The following ETS1 variants were observed in gnomAD, a reference collection of about 807,000 sequenced individuals.
ETS1 encodes ETS proto-oncogene 1, transcription factor.
Under a neutral mutation model 58.6 loss-of-function variants are expected in ETS1, and 15 were observed. The ratio of observed to expected loss-of-function variants is 0.26; its 90% confidence interval spans 0.17 to 0.39. The LOEUF (loss-of-function observed/expected upper bound fraction) is 0.39, where lower values mean the gene tolerates loss of function less well. Among genes scored for constraint, ETS1 ranks in the 10% least tolerant of loss-of-function variants. The pLI is 1.00. For synonymous variants in ETS1, 214 were observed against 218.2 expected, an observed-to-expected ratio of 0.98 and a Z score of 0.17; for missense variants, 417 against 610.5, an observed-to-expected ratio of 0.68 and a Z score of 3.34.
At chr11:128,517,258 C>T (rs537676732) in intron 3 of ETS1, among the ~76,000 whole-genome samples, 28 of 152,314 alleles carry the variant, frequency 1.8e-4, no homozygotes, top group Middle Eastern at 3.4e-3. Flanking sequence ...CCCAAAGCAC[C>T]GACCAGCATT....
rs1401361604 is a variant in ETS1, at chr11:128,464,273, ATT to A, written c.1124-648_1124-647del. ...AAAAAGCATCATTACTATTTGAGGA[ATT>A]AACGTGCCACCCAGAAAATCCTCAG... On this transcript the variant is annotated intron_variant, in intron 8 of 9. Coordinates refer to ENST00000392668, the MANE Select transcript of ETS1 (RefSeq NM_001143820.2). This position sits in a 1 kb window ranked among gnomAD's most constrained non-coding sequence, Gnocchi z 4.1. Among the ~76,000 whole-genome samples the A allele has an allele frequency of 6.6e-6, 1 of 151,766 alleles. No individual in the cohort carries two copies.
At position 128,538,755 on chromosome 11, in the gene ETS1, T is replaced by TACACAC. The variant is rs141065992; in HGVS notation, c.214+17530_214+17535dup. On this transcript the variant is annotated intron_variant, in intron 3 of 9. Coordinates refer to ENST00000392668, the MANE Select transcript of ETS1 (RefSeq NM_001143820.2). ...ACACACACACACACACATACACACA[T>TACACAC]ACACACACACACACACACACACACA... is the stretch of plus-strand genomic sequence containing the variant. Among the ~76,000 whole-genome samples, 54 of 144,968 alleles carry TACACAC rather than the reference T, an allele frequency of 3.7e-4. 1 individual carries two copies. Among genetic ancestry groups the TACACAC allele is most frequent in the East Asian group, 1.8e-3 (9 of 5,088 alleles).
At chr11:128,490,885 GT>G (rs572835763) in intron 3 of ETS1, among the ~76,000 whole-genome samples, 6 of 151,544 alleles carry the variant, frequency 4.0e-5, no homozygotes, top group African/African-American at 1.2e-4. Context: ...TGCCCAGCTA[GT>G]TTTTTTTATT....
chr11:128,534,193 GCTTAA>G (rs1356262889), intron 3 of ETS1, among the ~76,000 whole-genome samples: 1 of 152,146 alleles, frequency 6.6e-6, no homozygotes, highest in African/African-American at 2.4e-5. Context: ...TAGTTCTAGA[GCTTAA>G]CTTTTCAAAC....
Position 128,463,664 on chromosome 11 carries a change from T to C in ETS1, c.1124-37A>G, listed in dbSNP as rs762207877. ...AGCCATTGTGAATCATTACACCAGA[T>C]ATTCAGCACTCTACGCAGCTAATCC... On this transcript the variant is annotated intron_variant, in intron 8 of 9. Transcript: ENST00000392668. The surrounding 1 kb of genome is among the most constrained non-coding windows in gnomAD (Gnocchi z 4.1). 4.2e-5 allele frequency: 47 copies of C among 1,129,922 alleles called. No homozygotes were observed. The highest frequency in any genetic ancestry group is 5.8e-5 in the Non-Finnish European group (43 of 739,216). The allele number at this position is 1,129,922 out of a possible 1,614,324, so 70.0% of individuals were successfully genotyped here.
chr11:128,538,422 G>A (rs1335387543), intron 3 of ETS1, among the ~76,000 whole-genome samples: 1 of 152,112 alleles, frequency 6.6e-6, no homozygotes, highest in African/African-American at 2.4e-5. Flanking sequence ...GCTGCTTTAT[G>A]TTGCTTTTCC....
At chr11:128,573,483 C>T (rs929649615) in intron 1 of ETS1, among the ~76,000 whole-genome samples, 2 of 152,104 alleles carry the variant, frequency 1.3e-5, no homozygotes, top group African/African-American at 2.4e-5. Context: ...GTGTCTCCCC[C>T]ACCCACAACC....
intron 3 of ETS1, among the ~76,000 whole-genome samples, chr11:128,495,016 T>C (rs145789407): frequency 6.6e-6 from 1 of 152,308 alleles, no homozygotes; most frequent in African/African-American, 2.4e-5. Flanking sequence ...ATATGCCTTA[T>C]ACCTGAGAAA....
intron 3 of ETS1, among the ~76,000 whole-genome samples, chr11:128,543,181 G>A (rs1386909131): frequency 2.9e-5 from 4 of 140,296 alleles, no homozygotes; most frequent in Non-Finnish European, 4.6e-5. Flanking sequence ...CAACAAGAGC[G>A]AAACTCTGTC....
chr11:128,564,810 G>A (rs528411493), intron 2 of ETS1, among the ~76,000 whole-genome samples: 1 of 152,222 alleles, frequency 6.6e-6, no homozygotes, highest in African/African-American at 2.4e-5. Context: ...TGGAGACTGA[G>A]GCTGACTCAA....
chr11:128,471,073 A>C (rs1388822402), intron 8 of ETS1, among the ~76,000 whole-genome samples: 1 of 152,154 alleles, frequency 6.6e-6, no homozygotes, highest in African/African-American at 2.4e-5. Flanking sequence ...AGTATTCTTC[A>C]CCTAAGTATT....
Position 128,480,405 on chromosome 11 carries a change from A to G in ETS1, c.909T>C (p.Asp303=). Residue 303 remains aspartate, a synonymous_variant, in exon 8 of 10, where the codon GAT becomes GAC. Coordinates refer to ENST00000392668, the MANE Select transcript of ETS1 (RefSeq NM_001143820.2). ...AGGACTGGGTGAGGCGATCACAACT[A>G]TCGTAGCTCTCTATGCTTTCAAAAG... ...QDSFESIESY[D]SCDRLTQSWS... 1 of 1,613,894 alleles carries G rather than the reference A, an allele frequency of 6.2e-7. No homozygotes were observed. The highest frequency in any genetic ancestry group is 8.5e-7 in the Non-Finnish European group (1 of 1,179,958).
intron 3 of ETS1, among the ~76,000 whole-genome samples, chr11:128,554,281 C>G (rs558540677): frequency 6.6e-6 from 1 of 152,174 alleles, no homozygotes; most frequent in Non-Finnish European, 1.5e-5. Context: ...GGCCACACCC[C>G]GATGGAAGCT....
At chr11:128,515,819 T>TA (rs1019199101) in intron 3 of ETS1, among the ~76,000 whole-genome samples, 2 of 152,148 alleles carry the variant, frequency 1.3e-5, no homozygotes, top group Admixed American at 6.5e-5. Context: ...CCACAACTCT[T>TA]AGAGACAGTA....
chr11:128,471,792 T>A (rs1357450127), intron 8 of ETS1, among the ~76,000 whole-genome samples: 3 of 152,252 alleles, frequency 2.0e-5, no homozygotes, highest in African/African-American at 7.2e-5. Flanking sequence ...ATATGTTCAC[T>A]GATCAGGGTT....
chr11:128,473,822 G>C (rs1469383674), intron 8 of ETS1, among the ~76,000 whole-genome samples: 2 of 151,916 alleles, frequency 1.3e-5, no homozygotes, highest in South Asian at 2.1e-4. Flanking sequence ...AAGTGCCAAG[G>C]GGGCAAAGGC....
rs374747619 is a variant in ETS1, at chr11:128,489,350, C to T, written c.475G>A (p.Glu159Lys). ...LCALGKDCFLELAPDFVGDIL... is the reference protein window; with the variant it reads ...LCALGKDCFLKLAPDFVGDIL... ...TCCCCAACAAAGTCTGGGGCCAGCTCGAGAAAGCAGTCTTTACCCAGGGCG... is the reference window on the plus strand; with the variant it reads ...TCCCCAACAAAGTCTGGGGCCAGCTTGAGAAAGCAGTCTTTACCCAGGGCG... The change falls in exon 5 of 10, where the codon GAG (glutamate) becomes AAG (lysine). Residue 159 changes from glutamate (E) to lysine (K), a missense_variant. By Grantham distance (56) the Glu-to-Lys change is moderately conservative. Transcript: ENST00000392668. 8.1e-6 allele frequency: 13 copies of T among 1,614,042 alleles called. No homozygotes were observed. The highest frequency in any genetic ancestry group is 2.2e-5 in the South Asian group (2 of 91,084).
At chr11:128,506,663 G>T (rs1863244286) in intron 3 of ETS1, among the ~76,000 whole-genome samples, 1 of 152,112 alleles carries the variant, frequency 6.6e-6, no homozygotes, top group Non-Finnish European at 1.5e-5. Flanking sequence ...GAAGACGAGA[G>T]GATGAGATCT....
At chr11:128,522,381 C>G (rs929370098) in intron 3 of ETS1, 2 of 986,622 alleles carry the variant, frequency 2.0e-6, no homozygotes, top group Admixed American at 6.1e-5. Context: ...CGCGGCGCCG[C>G]GTCTCGGCCG....
Sources: gnomAD v4.1 joint callset for allele counts (sites outside exome capture counted in the v4.1 genomes callset) on GRCh38, gnomAD v4.1.1 for gene constraint, Gnocchi (gnomAD v3.1) non-coding constraint, MANE v1.5 for transcripts, NCBI Gene and HGNC (gene_info 2026-07-23, HGNC 2026-07-21) for gene names.